Variants in SEMA5A observed in about 807,000 individuals in gnomAD.
The protein encoded by SEMA5A is semaphorin 5A.
In SEMA5A, 55 loss-of-function variants were observed where a neutral mutation model predicts 135.5. That is an observed-to-expected ratio of 0.41 (90% confidence interval 0.33 to 0.51). The LOEUF is 0.51. SEMA5A is among the 20% of genes least tolerant of loss of function. The pLI, the probability that SEMA5A is intolerant of heterozygous loss-of-function variation, is 0.37. For missense variants in SEMA5A, 1,290 were observed against 1,419.9 expected, an observed-to-expected ratio of 0.91 and a Z score of 1.47; for synonymous variants, 580 against 546.5, an observed-to-expected ratio of 1.06 and a Z score of -0.85.
chr5:9,129,695 G>A (rs956377190), intron 13 of SEMA5A, among the ~76,000 whole-genome samples: 9 of 152,174 alleles, frequency 5.9e-5, no homozygotes, highest in African/African-American at 2.2e-4. Flanking sequence ...TCTATTAGGG[G>A]TATGTGTATT....
At chr5:9,478,612 G>A (rs754429962) in intron 1 of SEMA5A, among the ~76,000 whole-genome samples, 62 of 152,112 alleles carry the variant, frequency 4.1e-4, no homozygotes, top group Non-Finnish European at 8.2e-4. Flanking sequence ...TCTCAGTTTT[G>A]GACTTGCATG....
chr5:9,533,612 A>C (rs1458933653), intron 1 of SEMA5A, among the ~76,000 whole-genome samples: 1 of 152,180 alleles, frequency 6.6e-6, no homozygotes, highest in Non-Finnish European at 1.5e-5. Context: ...TAATCATGTG[A>C]AAGTTAATGT....
rs369851619 is a variant in SEMA5A, at chr5:9,197,260, C to T, written c.976G>A (p.Ala326Thr). 27 of 1,614,008 alleles carry T rather than the reference C, an allele frequency of 1.7e-5. No homozygotes were observed. The highest frequency in any genetic ancestry group is 9.3e-5 in the African/African-American group (7 of 74,928). Residue 326 changes from alanine to threonine, a missense_variant, in exon 10 of 23, where the codon GCC (alanine) becomes ACC (threonine). Physicochemically the swap from Ala to Thr is moderately conservative, Grantham distance 58 (BLOSUM62 0). Around this residue, in one of 3 missense-constraint regions of SEMA5A, gnomAD observed 1,029 missense variants for 1,086.6 expected, o/e 0.95. Transcript: ENST00000382496. ...GGCCCAGAGAAGGCCTGCGCGATGG[C>T]GCTCAGGTTGAAGACGCACACAGCT... is the stretch of plus-strand genomic sequence containing the variant. ...ASAVCVFNLS[A>T]IAQAFSGPFK...
At chr5:9,166,395 A>G (rs1206367480) in intron 11 of SEMA5A, among the ~76,000 whole-genome samples, 1 of 152,138 alleles carries the variant, frequency 6.6e-6, no homozygotes, top group Non-Finnish European at 1.5e-5. Context: ...CCTTCTCCCC[A>G]GTGCCCAGCT....
intron 5 of SEMA5A, among the ~76,000 whole-genome samples, chr5:9,278,327 G>T (rs1307164837): frequency 1.3e-5 from 2 of 152,120 alleles, no homozygotes; most frequent in Non-Finnish European, 2.9e-5. Flanking sequence ...CATTCAAGAG[G>T]TGATCTGATT....
intron 1 of SEMA5A, among the ~76,000 whole-genome samples, chr5:9,540,509 A>G (rs1206423769): frequency 6.6e-6 from 1 of 152,018 alleles, no homozygotes; most frequent in Non-Finnish European, 1.5e-5. Context: ...AGGCATAAGA[A>G]TTGCTTAAAC....
chr5:9,463,582 G>A (rs1404426336), intron 1 of SEMA5A, among the ~76,000 whole-genome samples: 3 of 152,070 alleles, frequency 2.0e-5, no homozygotes, highest in African/African-American at 7.3e-5. Flanking sequence ...AAAAAACTCT[G>A]GTGCTAAAAA....
At chr5:9,515,630 C>T (rs1297784238) in intron 1 of SEMA5A, among the ~76,000 whole-genome samples, 1 of 152,134 alleles carries the variant, frequency 6.6e-6, no homozygotes, top group African/African-American at 2.4e-5. Context: ...TGTCACACCC[C>T]GGCCAGTCCA....
rs141855680 is a variant in SEMA5A at position 9,491,109 on chromosome 5, C to T, written c.-174-53257G>A. ...TCCTCAGATGTCTATAGAATGTGGC[C>T]AGCACATTGTTCGCGATGTCCTCAA... On this transcript the variant is annotated intron_variant, in intron 1 of 22. Transcript: ENST00000382496. 1.7e-3 allele frequency among the ~76,000 whole-genome samples: 254 copies of T among 152,100 alleles called. 1 individual carries two copies. Among genetic ancestry groups the T allele is most frequent in the African/African-American group, 5.8e-3 (241 of 41,506 alleles).
At chr5:9,474,451 C>T (rs191526140) in intron 1 of SEMA5A, among the ~76,000 whole-genome samples, 13 of 149,322 alleles carry the variant, frequency 8.7e-5, no homozygotes, top group Admixed American at 4.0e-4. Context: ...TTGAAAAAGA[C>T]GCAAGAGTAA....
intron 1 of SEMA5A, among the ~76,000 whole-genome samples, chr5:9,506,838 T>C (rs918234373): frequency 6.6e-6 from 1 of 152,192 alleles, no homozygotes; most frequent in African/African-American, 2.4e-5. Flanking sequence ...CCCCTCTATG[T>C]GCTATCCGAG....
At chr5:9,134,802 C>T (rs1050054376) in intron 13 of SEMA5A, among the ~76,000 whole-genome samples, 6 of 152,152 alleles carry the variant, frequency 3.9e-5, no homozygotes, top group African/African-American at 1.4e-4. Context: ...AAGTGTATGT[C>T]TGTACTTTGG....
At chr5:9,171,840 G>C (rs191706471) in intron 11 of SEMA5A, among the ~76,000 whole-genome samples, 1 of 152,282 alleles carries the variant, frequency 6.6e-6, no homozygotes, top group South Asian at 2.1e-4. Flanking sequence ...GAGATGGGAC[G>C]AGAGGGAGCG....
Position 9,189,809 on chromosome 5 carries a change from A to C in SEMA5A, c.1273+458T>G, listed in dbSNP as rs184470485. ...GTAAATGTTCCATTATTTATGCCCCAAAACATATTCTTTGAACACTGCCAT... is the reference window on the plus strand; with the variant it reads ...GTAAATGTTCCATTATTTATGCCCCCAAACATATTCTTTGAACACTGCCAT... On this transcript the variant is annotated intron_variant, in intron 11 of 22. Coordinates refer to ENST00000382496, the MANE Select transcript of SEMA5A (RefSeq NM_003966.3). Among the ~76,000 whole-genome samples, 565 of 152,378 alleles carry C rather than the reference A, an allele frequency of 3.7e-3. 2 individuals carry two copies. The highest frequency in any genetic ancestry group is 6.4e-3 in the Non-Finnish European group (435 of 68,038).
intron 11 of SEMA5A, among the ~76,000 whole-genome samples, chr5:9,169,783 T>C (rs1268923025): frequency 1.3e-5 from 2 of 152,148 alleles, no homozygotes; most frequent in African/African-American, 4.8e-5. Context: ...GCCACTCAAA[T>C]GACACTGCCC....
chr5:9,173,059 T>C (rs751047651), intron 11 of SEMA5A, among the ~76,000 whole-genome samples: 23 of 151,936 alleles, frequency 1.5e-4, no homozygotes, highest in Non-Finnish European at 3.1e-4. Flanking sequence ...TGCTCTTAAA[T>C]GGGAAAAAAA....
In SEMA5A at chr5:9,202,358, T is replaced by C. The variant is rs939852158; in HGVS notation, c.647-118A>G. ...TTTTGTTTAGATAACACCTGGTTCC[T>C]ATAGGACTATTGGGAGGCCCCGTGA... is the stretch of plus-strand genomic sequence containing the variant. On this transcript the variant is annotated intron_variant, in intron 8 of 22. Coordinates refer to ENST00000382496, the MANE Select transcript of SEMA5A (RefSeq NM_003966.3). The C allele has an allele frequency of 2.3e-5, 24 of 1,027,964 alleles. No individual in the cohort carries two copies. The African/African-American group carries it at 3.5e-4, about 15-fold the overall frequency. The allele number at this position is 1,027,964 out of a possible 1,614,324, so 63.7% of individuals were successfully genotyped here.
At chr5:9,480,707 C>G (rs559041101) in intron 1 of SEMA5A, among the ~76,000 whole-genome samples, 1 of 152,302 alleles carries the variant, frequency 6.6e-6, no homozygotes, top group South Asian at 2.1e-4. Context: ...ATCACTTACA[C>G]GTGTGCCTCA....
intron 1 of SEMA5A, among the ~76,000 whole-genome samples, chr5:9,510,966 C>T (rs544803773): frequency 1.3e-5 from 2 of 152,300 alleles, no homozygotes; most frequent in South Asian, 2.1e-4. Context: ...AGAAGATACC[C>T]GAGAAGTCAT....
Sources: gnomAD v4.1 joint callset for allele counts (sites outside exome capture counted in the v4.1 genomes callset) on GRCh38, gnomAD v4.1.1 for gene constraint, gnomAD v4.1.1 regional missense constraint, MANE v1.5 for transcripts, NCBI Gene and HGNC (gene_info 2026-07-23, HGNC 2026-07-21) for gene names.